Variants in SLC41A2 observed in about 807,000 individuals in gnomAD.
SLC41A2 encodes the protein SLC41A1-like 1.
A neutral mutation model predicts 58.3 loss-of-function variants in SLC41A2; 32 were observed. The ratio of observed to expected loss-of-function variants is 0.55; its 90% CI spans 0.41 to 0.74. SLC41A2 has a LOEUF of 0.74. SLC41A2 is among the 30% of genes least tolerant of loss of function. SLC41A2 has a pLI of 0.00. For synonymous variants in SLC41A2, 190 were observed against 235.0 expected, an observed-to-expected ratio of 0.81 and a Z score of 1.75; for missense variants, 514 against 680.6, an observed-to-expected ratio of 0.76 and a Z score of 2.72.
chr12:104,946,869 G>T (rs1047973410), intron 1 of SLC41A2, among the ~76,000 whole-genome samples: 1 of 152,188 alleles, frequency 6.6e-6, no homozygotes, highest in African/African-American at 2.4e-5. Context: ...AAGAGCTAGG[G>T]CTTCAGAGTC....
In SLC41A2 at chr12:104,820,981, A is replaced by G. The variant is rs535154947; in HGVS notation, c.1537-15644T>C. Reference sequence around the variant, plus strand: ...ATTTCTATATCACTCTTGACTTTTTATTTAGTTCTAATGCGAAAAGACAAA... The same window carrying G: ...ATTTCTATATCACTCTTGACTTTTTGTTTAGTTCTAATGCGAAAAGACAAA... On this transcript the variant is annotated intron_variant, in intron 10 of 10. Transcript: ENST00000258538. 2.0e-5 allele frequency among the ~76,000 whole-genome samples: 3 copies of G among 152,280 alleles called. No individual in the cohort carries two copies. The East Asian group carries it at 5.8e-4, about 29-fold the overall frequency.
chr12:104,883,312 C>G (rs2044481029), intron 6 of SLC41A2, among the ~76,000 whole-genome samples: 2 of 152,162 alleles, frequency 1.3e-5, no homozygotes, highest in South Asian at 4.1e-4. Context: ...TCTTCTGAAG[C>G]CTACTTTAGT....
intron 6 of SLC41A2, among the ~76,000 whole-genome samples, chr12:104,876,102 CTTTT>C (rs566818164): frequency 9.6e-4 from 146 of 152,022 alleles, no homozygotes; most frequent in African/African-American, 3.2e-3. Flanking sequence ...CTCTAGTGAT[CTTTT>C]TTATTTCTGA....
At chr12:104,904,181 C>T (rs769731379) in intron 3 of SLC41A2, among the ~76,000 whole-genome samples, 29 of 152,282 alleles carry the variant, frequency 1.9e-4, no homozygotes, top group Non-Finnish European at 3.2e-4. Flanking sequence ...AAGAACAATA[C>T]TTTTGAAATA....
intron 8 of SLC41A2, among the ~76,000 whole-genome samples, chr12:104,848,806 A>G (rs116328209): frequency 0.019 from 2,829 of 152,180 alleles, 31 homozygotes; most frequent in African/African-American, 0.034. Context: ...AATTGGATGA[A>G]TAAATGCAGA....
intron 10 of SLC41A2, among the ~76,000 whole-genome samples, chr12:104,821,169 G>C (rs1389147526): frequency 2.0e-5 from 3 of 151,644 alleles, no homozygotes; most frequent in African/African-American, 7.3e-5. Context: ...TAAAAATCAG[G>C]GCTTTAAAAA....
intron 3 of SLC41A2, among the ~76,000 whole-genome samples, chr12:104,898,367 T>G (rs2045395554): frequency 6.6e-6 from 1 of 152,144 alleles, no homozygotes; most frequent in South Asian, 2.1e-4. Flanking sequence ...AGACTTAGGA[T>G]TTATTGGAGC....
chr12:104,833,568 C>T (rs1042821310), intron 10 of SLC41A2, among the ~76,000 whole-genome samples: 31 of 152,070 alleles, frequency 2.0e-4, no homozygotes, highest in African/African-American at 7.2e-4. Context: ...CCTTTGATAC[C>T]CTTTAAGCTT....
At chr12:104,858,858 C>T (rs1249946302) in intron 8 of SLC41A2, among the ~76,000 whole-genome samples, 1 of 152,168 alleles carries the variant, frequency 6.6e-6, no homozygotes, top group Non-Finnish European at 1.5e-5. Context: ...ACAGCACAGA[C>T]ATCCAAGGAG....
At chr12:104,902,246 A>G (rs1593107195) in intron 3 of SLC41A2, among the ~76,000 whole-genome samples, 1 of 152,356 alleles carries the variant, frequency 6.6e-6, no homozygotes, top group South Asian at 2.1e-4. Flanking sequence ...AATCTGCTTC[A>G]GTAGTCCCAA....
chr12:104,924,561 A>G (rs980923206), intron 2 of SLC41A2, among the ~76,000 whole-genome samples: 25 of 152,116 alleles, frequency 1.6e-4, no homozygotes, highest in African/African-American at 6.0e-4. Context: ...CCTGACCCAC[A>G]TGGAGAAACC....
chr12:104,914,139 T>A (rs2046209410), intron 2 of SLC41A2, among the ~76,000 whole-genome samples: 1 of 152,156 alleles, frequency 6.6e-6, no homozygotes, highest in Admixed American at 6.5e-5. Context: ...CACGGCACGC[T>A]TAGTATCTGA....
chr12:104,853,911 A>ATTATTATTTTT, intron 8 of SLC41A2, among the ~76,000 whole-genome samples: 12 of 59,488 alleles, frequency 2.0e-4, no homozygotes, highest in Non-Finnish European at 2.2e-4. Context: ...TGCCTGGCTG[A>ATTATTATTTTT]TTTTTTTTTT....
At chr12:104,904,879 A>T (rs1024562268) in intron 3 of SLC41A2, among the ~76,000 whole-genome samples, 2 of 152,154 alleles carry the variant, frequency 1.3e-5, no homozygotes, top group Non-Finnish European at 2.9e-5. Context: ...AGCAGTAGCA[A>T]GATTTATTGC....
intron 8 of SLC41A2, among the ~76,000 whole-genome samples, chr12:104,858,795 G>A (rs944326630): frequency 9.9e-5 from 15 of 151,970 alleles, no homozygotes; most frequent in African/African-American, 3.6e-4. Flanking sequence ...CCAACTAAGA[G>A]GTTTACTTAC....
At chr12:104,820,043 G>C (rs1272420692) in intron 10 of SLC41A2, among the ~76,000 whole-genome samples, 2 of 152,174 alleles carry the variant, frequency 1.3e-5, no homozygotes, top group African/African-American at 4.8e-5. Flanking sequence ...CAAACCTAAA[G>C]CCAGTGTCAG....
At chr12:104,879,696 T>C (rs1465990569) in intron 6 of SLC41A2, among the ~76,000 whole-genome samples, 1 of 152,240 alleles carries the variant, frequency 6.6e-6, no homozygotes, top group Non-Finnish European at 1.5e-5. Flanking sequence ...TTGGTTACTT[T>C]AGCCTTGTAG....
At chr12:104,810,438 T>A (rs913439319) in intron 10 of SLC41A2, among the ~76,000 whole-genome samples, 3 of 152,290 alleles carry the variant, frequency 2.0e-5, no homozygotes, top group African/African-American at 7.2e-5. Flanking sequence ...ATATTAACAA[T>A]GTGTTAAATA....
chr12:104,870,708 G>A (rs374323110), intron 6 of SLC41A2, among the ~76,000 whole-genome samples: 38 of 152,100 alleles, frequency 2.5e-4, no homozygotes, highest in African/African-American at 8.0e-4. Flanking sequence ...TATTGTTGAC[G>A]GCATTTCCCA....
Sources: gnomAD v4.1 joint callset for allele counts (sites outside exome capture counted in the v4.1 genomes callset) on GRCh38, gnomAD v4.1.1 for gene constraint, MANE v1.5 for transcripts, NCBI Gene and HGNC (gene_info 2026-07-23, HGNC 2026-07-21) for gene names.